Variants in ABCA10 observed in about 807,000 individuals in gnomAD.
ABCA10 encodes the protein ATP-binding cassette sub-family A member 10.
Under a neutral mutation model 187.5 loss-of-function variants are expected in ABCA10, and 169 were observed. That is an observed-to-expected ratio of 0.90 (90% CI 0.80 to 1.02). ABCA10 has a LOEUF of 1.02. ABCA10 is among the 50% of genes least tolerant of loss of function. The pLI is 0.00. For synonymous variants in ABCA10, 574 were observed against 601.8 expected (o/e 0.95, Z 0.68); for missense variants, 1,727 against 1,812.4 (o/e 0.95, Z 0.86).
At chr17:69,225,055 C>A (rs2074782388) in intron 3 of ABCA10, among the ~76,000 whole-genome samples, 1 of 152,008 alleles carries the variant, frequency 6.6e-6, no homozygotes, top group South Asian at 2.1e-4. Context: ...TGGGTCCAAT[C>A]TTTTTTTCCT....
rs137962621 is a variant in ABCA10 at position 69,154,324 on chromosome 17, C to CACCTGGAA, written c.3695-6_3696dup (p.Glu1233PhefsTer9). ...TTGTGTCCTAGTAATCCCAAAACTTCACCTGGAAGAAAGAGTCACCATCAA... is the reference window on the plus strand; with the variant it reads ...TTGTGTCCTAGTAATCCCAAAACTTCACCTGGAAACCTGGAAGAAAGAGTCACCATCAA... On this transcript the variant is annotated frameshift_variant and splice_region_variant, in exon 31 of 39. Transcript: ENST00000690296. LOFTEE classifies it high-confidence loss of function. The CACCTGGAA allele has an allele frequency of 0.017, 27,457 of 1,595,672 alleles. 4,066 individuals are homozygous for CACCTGGAA. In the African/African-American group the frequency reaches 0.32, roughly 19 times the overall value.
chr17:69,208,655 G>A (rs925327909), intron 9 of ABCA10, among the ~76,000 whole-genome samples: 4 of 151,980 alleles, frequency 2.6e-5, no homozygotes, highest in Non-Finnish European at 4.4e-5. Flanking sequence ...AACGAATGAT[G>A]GACAAAGGAT....
intron 9 of ABCA10, among the ~76,000 whole-genome samples, chr17:69,213,769 C>G (rs552092999): frequency 5.6e-4 from 86 of 152,306 alleles, no homozygotes; most frequent in Non-Finnish European, 1.0e-3. Flanking sequence ...CTAACCAACC[C>G]CCACCCTGGC....
intron 27 of ABCA10, among the ~76,000 whole-genome samples, chr17:69,162,722 A>C (rs895827056): frequency 6.6e-6 from 1 of 151,984 alleles, no homozygotes; most frequent in Non-Finnish European, 1.5e-5. Flanking sequence ...CAGGATCCTC[A>C]GTTCTGTAGG....
chr17:69,204,867 A>AAATCCCAGCACTGTGGCTCACG (rs2074579530), intron 9 of ABCA10, among the ~76,000 whole-genome samples: 2 of 152,128 alleles, frequency 1.3e-5, no homozygotes, highest in African/African-American at 4.8e-5. Flanking sequence ...AGTGGCTCAC[A>AAATCCCAGCACTGTGGCTCACG]CCTGAAATCC....
chr17:69,184,195 T>C (rs937313931), intron 20 of ABCA10, among the ~76,000 whole-genome samples: 1 of 152,126 alleles, frequency 6.6e-6, no homozygotes, highest in Admixed American at 6.5e-5. Context: ...CTGCAAGCCC[T>C]GTCCAAGTAC....
At chr17:69,153,263 G>T in intron 34 of ABCA10, 42 bp downstream of exon 34, 1 of 1,564,708 alleles carries the variant, frequency 6.4e-7, no homozygotes, top group Non-Finnish European at 8.6e-7. Flanking sequence ...ATATCCTAGA[G>T]GTATTCTCTT....
At chr17:69,183,371 T>C (rs1401370893) in intron 20 of ABCA10, among the ~76,000 whole-genome samples, 2 of 152,094 alleles carry the variant, frequency 1.3e-5, no homozygotes, top group Admixed American at 6.5e-5. Flanking sequence ...GGAAGTCAAG[T>C]TGGTCACAGG....
chr17:69,221,655 C>G (rs10775359), intron 5 of ABCA10, 137 bp downstream of exon 5: 512,094 of 720,582 alleles, frequency 0.71, 183,967 homozygotes, highest in African/African-American at 0.78. Context: ...TCCCATGTGA[C>G]AGCTTTTGTT....
Position 69,174,347 on chromosome 17 carries a change from A to C in ABCA10, c.3096T>G (p.Tyr1032Ter). The C allele has an allele frequency of 6.2e-7, 1 of 1,604,802 alleles. No homozygotes were observed. Among genetic ancestry groups the C allele is most frequent in the South Asian group, 1.1e-5 (1 of 88,252 alleles). The change falls in exon 25 of 39, where the codon TAT (tyrosine) becomes TAG (stop). Residue 1032 changes from tyrosine (Y) to a stop codon, truncating the protein, a stop_gained. Transcript: ENST00000690296. LOFTEE classifies it high-confidence loss of function. ...GCAVSLIFLT[Y>*]VLSFIFRKWR... ...ACTTGCGAAAGATGAATGAAAGCAC[A>C]TATGTGAGGAATATAAGAGAAACTG...
intron 22 of ABCA10, among the ~76,000 whole-genome samples, chr17:69,181,019 C>CA (rs892630065): frequency 5.3e-5 from 8 of 150,992 alleles, no homozygotes; most frequent in Admixed American, 1.3e-4. Flanking sequence ...GAAGCCAAAC[C>CA]AAAAAAAAGC....
rs866027880 is a variant in ABCA10, at chr17:69,154,473, G to A, written c.3695-147C>T. ...AGAGTTTTGCTCTGTTGCCTAGGCT[G>A]GACTGTGGTGGTGTAATCATTGCCT... On this transcript the variant is annotated intron_variant, in intron 30 of 38. Coordinates refer to ENST00000690296, the MANE Select transcript of ABCA10 (RefSeq NM_001377321.1). The A allele has an allele frequency of 2.1e-5, 13 of 615,156 alleles. No homozygotes were observed. In the South Asian group the frequency reaches 2.9e-4, roughly 14 times the overall value. 38.1% of individuals were successfully genotyped at this position (615,156 alleles called of 1,614,324 possible).
Position 69,218,459 on chromosome 17 carries a change from T to C in ABCA10, c.530+1086A>G, listed in dbSNP as rs998914023. Among the ~76,000 whole-genome samples the C allele has an allele frequency of 3.9e-5, 6 of 152,108 alleles. No homozygotes were observed. The East Asian group carries it at 7.7e-4, about 20-fold the overall frequency. ...ATGTGGATAATAGTTCTGTCATCCC[T>C]AGAACACGGTAAAGTACTTAAACAA... is the stretch of plus-strand genomic sequence containing the variant. On this transcript the variant is annotated intron_variant, in intron 6 of 38. Coordinates refer to ENST00000690296, the MANE Select transcript of ABCA10 (RefSeq NM_001377321.1).
chr17:69,185,926 G>A (rs1035658561), intron 19 of ABCA10, among the ~76,000 whole-genome samples: 9 of 152,114 alleles, frequency 5.9e-5, no homozygotes, highest in African/African-American at 2.2e-4. Flanking sequence ...GGAAAACACA[G>A]GAAATGATTT....
intron 37 of ABCA10, 74 bp downstream of exon 37, chr17:69,149,910 A>G: frequency 8.6e-7 from 1 of 1,158,792 alleles, no homozygotes; most frequent in Non-Finnish European, 1.2e-6. Flanking sequence ...TCTACTTCAA[A>G]TTACATAGTC....
intron 6 of ABCA10, among the ~76,000 whole-genome samples, chr17:69,217,308 T>A (rs780105497): frequency 6.6e-6 from 1 of 151,998 alleles, no homozygotes; most frequent in East Asian, 1.9e-4. Flanking sequence ...TGATTGAATG[T>A]CGGAGTAGCC....
chr17:69,236,491 T>C (rs1418887969), intron 1 of ABCA10, among the ~76,000 whole-genome samples: 1 of 152,198 alleles, frequency 6.6e-6, no homozygotes, highest in African/African-American at 2.4e-5. Flanking sequence ...ATAGAATGTA[T>C]TTATTACAAG....
intron 20 of ABCA10, among the ~76,000 whole-genome samples, chr17:69,184,567 G>A (rs1301240128): frequency 6.6e-6 from 1 of 152,104 alleles, no homozygotes; most frequent in African/African-American, 2.4e-5. Context: ...ATGTTGGCAT[G>A]GATGTGATGA....
At chr17:69,209,529 T>A (rs2074620420) in intron 9 of ABCA10, among the ~76,000 whole-genome samples, 1 of 152,230 alleles carries the variant, frequency 6.6e-6, no homozygotes. Flanking sequence ...AGAAGAAAGC[T>A]ATAAATATTT....
Sources: allele counts gnomAD v4.1 joint callset (sites outside exome capture counted in the v4.1 genomes callset), GRCh38; gene constraint gnomAD v4.1.1; transcripts MANE v1.5; gene names NCBI Gene and HGNC (gene_info 2026-07-23, HGNC 2026-07-21).